Variants in SRGAP2C observed in about 807,000 individuals in gnomAD.
The protein encoded by SRGAP2C is SLIT-ROBO Rho GTPase-activating protein 2C.
In SRGAP2C, 15 loss-of-function variants were observed where a neutral mutation model predicts 25.1. The observed-to-expected ratio is 0.60, with a 90% CI of 0.40 to 0.92. SRGAP2C has a LOEUF of 0.92. SRGAP2C is among the 40% of genes least tolerant of loss of function. SRGAP2C has a pLI of 0.00. For synonymous variants in SRGAP2C, 44 were observed against 96.6 expected (o/e 0.46, Z 3.19); for missense variants, 144 against 264.4 (o/e 0.54, Z 3.16).
At chr1:121,315,396 A>C (rs1422288787) in intron 3 of SRGAP2C, among the ~76,000 whole-genome samples, 1 of 143,998 alleles carries the variant, frequency 6.9e-6, no homozygotes, top group Non-Finnish European at 1.5e-5. Context: ...AGTAAGTGGC[A>C]GAGCTAAGCC....
At chr1:121,306,677 T>C (rs1450315154) in intron 3 of SRGAP2C, among the ~76,000 whole-genome samples, 1 of 133,530 alleles carries the variant, frequency 7.5e-6, no homozygotes, top group Non-Finnish European at 1.6e-5. Context: ...TAGAAGAGAA[T>C]CCTCAGATTC....
In SRGAP2C at chr1:121,375,038, G is replaced by A. The variant is rs1659605371; in HGVS notation, c.831+84G>A. 4 of 682,186 alleles carry A rather than the reference G, an allele frequency of 5.9e-6. No homozygotes were observed. The Admixed American group carries it at 6.9e-5, about 12-fold the overall frequency. The allele number at this position is 682,186 out of a possible 1,614,324, so 42.3% of individuals were successfully genotyped here. On this transcript the variant is annotated intron_variant, in intron 7 of 9. Transcript: ENST00000367123. The stretch of plus-strand genomic sequence containing the variant: ...CAGACATTCCCGATACTATTGTTCA[G>A]GAATCTGGTGCATTTTGAGAACAAT...
At chr1:121,196,414 T>G (rs1379547651) in intron 2 of SRGAP2C, among the ~76,000 whole-genome samples, 3 of 84,534 alleles carry the variant, frequency 3.5e-5, no homozygotes, top group African/African-American at 5.3e-5. Flanking sequence ...ACACAGTGCT[T>G]CTCTTAATAG....
chr1:121,211,406 T>TAC (rs1211425473), intron 2 of SRGAP2C, among the ~76,000 whole-genome samples: 33 of 120,226 alleles, frequency 2.7e-4, no homozygotes, highest in African/African-American at 9.9e-4. Flanking sequence ...GAGAGATATA[T>TAC]ATATACACAT....
At chr1:121,289,251 C>T (rs1287387267) in intron 3 of SRGAP2C, among the ~76,000 whole-genome samples, 12 of 149,856 alleles carry the variant, frequency 8.0e-5, no homozygotes, top group Middle Eastern at 3.5e-3. Flanking sequence ...CCCTGCCCCG[C>T]GGGAAGGCAG....
At chr1:121,309,589 A>T (rs1183487489) in intron 3 of SRGAP2C, among the ~76,000 whole-genome samples, 1 of 150,762 alleles carries the variant, frequency 6.6e-6, no homozygotes, top group Non-Finnish European at 1.5e-5. Flanking sequence ...CAACCCCACC[A>T]CAGTCCCCAG....
intron 2 of SRGAP2C, among the ~76,000 whole-genome samples, chr1:121,284,174 G>A (rs1243670516): frequency 3.3e-4 from 50 of 152,056 alleles, no homozygotes; most frequent in African/African-American, 1.2e-3. Context: ...AGAAGTTCTT[G>A]TGCTTCTTTT....
rs587723807 is a variant in SRGAP2C at position 121,219,336 on chromosome 1, G to A, written c.67+31823G>A. Among the ~76,000 whole-genome samples the A allele has an allele frequency of 6.6e-5, 7 of 105,756 alleles. No homozygotes were observed. The Admixed American group carries it at 7.3e-4, about 11-fold the overall frequency. The allele number at this position is 105,756 out of a possible 152,430, so 69.4% of individuals were successfully genotyped here. On this transcript the variant is annotated intron_variant, in intron 2 of 9. Coordinates refer to ENST00000367123, the MANE Select transcript of SRGAP2C (RefSeq NM_001329984.2). Reference sequence around the variant, plus strand: ...TCACCCGTATGTTTCTCTCCTTTTTGCCTCTACTGATTGCTATGGGATTTT... The same window carrying A: ...TCACCCGTATGTTTCTCTCCTTTTTACCTCTACTGATTGCTATGGGATTTT...
At chr1:121,231,319 T>A (rs1269672296) in intron 2 of SRGAP2C, among the ~76,000 whole-genome samples, 1 of 146,990 alleles carries the variant, frequency 6.8e-6, no homozygotes, top group Non-Finnish European at 1.5e-5. Context: ...GTAAGCTCCA[T>A]AAGGGAAGGG....
intron 2 of SRGAP2C, among the ~76,000 whole-genome samples, chr1:121,230,825 C>A (rs1655797513): frequency 6.6e-6 from 1 of 152,100 alleles, no homozygotes. Flanking sequence ...GAAAATATGG[C>A]ACATAAACAC....
chr1:121,323,607 CTT>C (rs1553341368), intron 3 of SRGAP2C, among the ~76,000 whole-genome samples: 1,434 of 74,994 alleles, frequency 0.019, 56 homozygotes, highest in African/African-American at 0.082. Context: ...CAGAGTGAGA[CTT>C]TGTCTCAAAA....
chr1:121,348,568 C>T (rs1257176301), intron 4 of SRGAP2C, among the ~76,000 whole-genome samples: 1 of 151,346 alleles, frequency 6.6e-6, no homozygotes, highest in Non-Finnish European at 1.5e-5. Flanking sequence ...AATTTAAAAA[C>T]TGATACATCA....
At chr1:121,189,347 T>C (rs1570691481) in intron 2 of SRGAP2C, among the ~76,000 whole-genome samples, 1 of 27,756 alleles carries the variant, frequency 3.6e-5, no homozygotes, top group East Asian at 1.1e-3. Context: ...TTTGGATATT[T>C]ACAAACATTG....
chr1:121,191,895 C>A (rs1218803575), intron 2 of SRGAP2C, among the ~76,000 whole-genome samples: 1 of 102,910 alleles, frequency 9.7e-6, no homozygotes, highest in Admixed American at 9.7e-5. Flanking sequence ...GGGGTCTTGT[C>A]TTTTTTTTTT....
At chr1:121,370,511 G>A (rs1290783103) in intron 5 of SRGAP2C, among the ~76,000 whole-genome samples, 5 of 133,558 alleles carry the variant, frequency 3.7e-5, no homozygotes, top group East Asian at 2.3e-4. Flanking sequence ...GCGTGATCTC[G>A]GCTCACTGCA....
intron 4 of SRGAP2C, among the ~76,000 whole-genome samples, chr1:121,348,572 T>TA (rs1210244632): frequency 2.0e-5 from 3 of 151,450 alleles, no homozygotes; most frequent in Non-Finnish European, 4.4e-5. Context: ...TAAAAACTGA[T>TA]ACATCAAGAA....
rs79751015 is a variant in SRGAP2C at position 121,392,526 on chromosome 1, G to A, written c.*4671G>A. ...ATAAAGAGATAACCCAAACATAAGC[G>A]TCACAAACAGGCTTTCATACCATTC... On this transcript the variant is annotated 3_prime_UTR_variant, in exon 10 of 10. Transcript: ENST00000367123. 2.4e-4 allele frequency: 35 copies of A among 147,426 alleles called. No homozygotes were observed. Among genetic ancestry groups the A allele is most frequent in the East Asian group, 6.0e-4 (3 of 4,976 alleles). The allele number at this position is 147,426 out of a possible 1,614,324, so 9.1% of individuals were successfully genotyped here.
At chr1:121,211,086 G>A (rs1344248131) in intron 2 of SRGAP2C, among the ~76,000 whole-genome samples, 1 of 147,890 alleles carries the variant, frequency 6.8e-6, no homozygotes, top group African/African-American at 2.5e-5. Context: ...AGGGGCTGCA[G>A]GATACAGGAT....
At chr1:121,382,302 A>G (rs1287752755) in intron 7 of SRGAP2C, among the ~76,000 whole-genome samples, 1 of 150,426 alleles carries the variant, frequency 6.6e-6, no homozygotes, top group Non-Finnish European at 1.5e-5. Context: ...ATAGTGATTT[A>G]ACCACAGTAA....
Sources: allele counts gnomAD v4.1 joint callset (sites outside exome capture counted in the v4.1 genomes callset), GRCh38; gene constraint gnomAD v4.1.1; transcripts MANE v1.5; gene names NCBI Gene and HGNC (gene_info 2026-07-23, HGNC 2026-07-21).